Variants in NCEH1 observed in about 807,000 individuals in gnomAD.
NCEH1 encodes the protein 2-acetyl MAGE hydrolase.
NCEH1 carries 9 observed loss-of-function variants against 25.4 expected under a neutral mutation model. The ratio of observed to expected loss-of-function variants is 0.35; its 90% CI spans 0.21 to 0.62. The LOEUF is 0.62. NCEH1 is among the 20% of genes least tolerant of loss of function. The pLI is 0.72. For missense variants in NCEH1, 412 were observed against 501.1 expected, an observed-to-expected ratio of 0.82 and a Z score of 1.70; for synonymous variants, 200 against 199.8, an observed-to-expected ratio of 1.00 and a Z score of -0.01.
At chr3:172,698,606 A>G (rs777066183) in intron 1 of NCEH1, among the ~76,000 whole-genome samples, 1 of 152,220 alleles carries the variant, frequency 6.6e-6, no homozygotes, top group Non-Finnish European at 1.5e-5. Flanking sequence ...ATTCAAGGGG[A>G]AAAAGAAAAG....
chr3:172,658,597 C>T (rs554127472), intron 1 of NCEH1, among the ~76,000 whole-genome samples: 23 of 152,236 alleles, frequency 1.5e-4, no homozygotes, highest in Admixed American at 1.4e-3. Flanking sequence ...ATAAAATTTC[C>T]AATTGTTTCC....
intron 1 of NCEH1, among the ~76,000 whole-genome samples, chr3:172,701,224 CTA>C (rs1430157292): frequency 2.6e-5 from 4 of 152,166 alleles, no homozygotes; most frequent in African/African-American, 4.8e-5. Flanking sequence ...GTCCCAAACT[CTA>C]TATCTTCACC....
intron 1 of NCEH1, among the ~76,000 whole-genome samples, chr3:172,661,163 A>G (rs1235994096): frequency 6.6e-6 from 1 of 152,184 alleles, no homozygotes; most frequent in Non-Finnish European, 1.5e-5. Flanking sequence ...ACATGTAAGG[A>G]AGGGATCCAG....
intron 1 of NCEH1, among the ~76,000 whole-genome samples, chr3:172,662,806 G>A (rs2108507100): frequency 6.6e-6 from 1 of 152,178 alleles, no homozygotes; most frequent in Middle Eastern, 3.4e-3. Context: ...GGGATCGGTG[G>A]TGATATACCC....
chr3:172,694,598 AGGTTACG>A, intron 1 of NCEH1, among the ~76,000 whole-genome samples: 2 of 152,350 alleles, frequency 1.3e-5, no homozygotes, highest in African/African-American at 4.8e-5. Flanking sequence ...TCCAACAGAC[AGGTTACG>A]GGTTGAGACT....
At chr3:172,655,590 C>T (rs1421192006) in intron 1 of NCEH1, among the ~76,000 whole-genome samples, 2 of 152,208 alleles carry the variant, frequency 1.3e-5, no homozygotes, top group African/African-American at 2.4e-5. Flanking sequence ...CTCTGCCCAC[C>T]GCCCTGACCT....
At chr3:172,638,929 C>G (rs1198540132) in intron 3 of NCEH1, among the ~76,000 whole-genome samples, 1 of 152,138 alleles carries the variant, frequency 6.6e-6, no homozygotes, top group Non-Finnish European at 1.5e-5. Context: ...CATAAAGATC[C>G]ATGGCCTAAC....
chr3:172,670,748 G>A (rs1489051174), intron 1 of NCEH1, among the ~76,000 whole-genome samples: 1 of 151,772 alleles, frequency 6.6e-6, no homozygotes, highest in African/African-American at 2.4e-5. Context: ...TTTTATATGG[G>A]GTTTTATGGT....
At chr3:172,641,462 A>G (rs1481039746) in intron 3 of NCEH1, among the ~76,000 whole-genome samples, 1 of 152,166 alleles carries the variant, frequency 6.6e-6, no homozygotes, top group Non-Finnish European at 1.5e-5. Context: ...TTCCATTACC[A>G]AGGCTGCTGG....
At chr3:172,665,030 AG>A (rs1304976133) in intron 1 of NCEH1, among the ~76,000 whole-genome samples, 1 of 152,208 alleles carries the variant, frequency 6.6e-6, no homozygotes, top group Non-Finnish European at 1.5e-5. Context: ...CCTTTGGTGT[AG>A]ATGAGGCACT....
intron 1 of NCEH1, among the ~76,000 whole-genome samples, chr3:172,704,977 C>T (rs1713895637): frequency 6.6e-6 from 1 of 152,176 alleles, no homozygotes; most frequent in African/African-American, 2.4e-5. Context: ...CATGTTAAGT[C>T]TAGGTAACTG....
chr3:172,665,325 T>C (rs1205624200), intron 1 of NCEH1, among the ~76,000 whole-genome samples: 5 of 152,162 alleles, frequency 3.3e-5, no homozygotes, highest in African/African-American at 1.2e-4. Flanking sequence ...GAACAGTAAA[T>C]GTTGCTGCCT....
rs1192129634 is a variant in NCEH1 at position 172,630,657 on chromosome 3, C to T, written c.*2818G>A. The T allele has an allele frequency of 2.0e-5, 3 of 152,170 alleles. No homozygotes were observed. The highest frequency in any genetic ancestry group is 2.0e-4 in the Admixed American group (3 of 15,276). The allele number at this position is 152,170 out of a possible 1,614,324, so 9.4% of individuals were successfully genotyped here. On this transcript the variant is annotated 3_prime_UTR_variant, in exon 5 of 5. Coordinates refer to ENST00000475381, the MANE Select transcript of NCEH1 (RefSeq NM_020792.6). The stretch of plus-strand genomic sequence containing the variant: ...TGAGACGGGAAAATGAAAGCACATT[C>T]CCAGATGGAGCAATTTTATTTCCAA...
chr3:172,643,864 C>T lies in NCEH1; in HGVS notation c.437+1759G>A, dbSNP rs115826606. Among the ~76,000 whole-genome samples the T allele has an allele frequency of 3.7e-3, 570 of 152,300 alleles. 3 individuals carry two copies. Among genetic ancestry groups the T allele is most frequent in the African/African-American group, 0.013 (559 of 41,554 alleles). On this transcript the variant is annotated intron_variant, in intron 3 of 4. Transcript: ENST00000475381. ...GCCCCTGAAGCTTGTTCCTCAACAC[C>T]GAGCTGTAGGGCCTTGTCTCCTTAA...
chr3:172,664,580 G>A (rs1217554843), intron 1 of NCEH1, among the ~76,000 whole-genome samples: 9 of 152,180 alleles, frequency 5.9e-5, no homozygotes, highest in Admixed American at 3.3e-4. Context: ...CATTCTCCCC[G>A]TCACTTTCAG....
rs773860768 is a variant in NCEH1 at position 172,711,067 on chromosome 3, C to G, written c.-83G>C. 1.2e-6 allele frequency: 2 copies of G among 1,608,098 alleles called. No homozygotes were observed. Among genetic ancestry groups the G allele is most frequent in the Admixed American group, 1.7e-5 (1 of 59,896 alleles). ...GAGACCTCCGGCAACTTTCTGCCCGCGGCAGCTGCTCATTCACGCGTTTCT... is the reference window on the plus strand; with the variant it reads ...GAGACCTCCGGCAACTTTCTGCCCGGGGCAGCTGCTCATTCACGCGTTTCT... On this transcript the variant is annotated 5_prime_UTR_variant, in exon 1 of 5. Transcript: ENST00000475381.
intron 4 of NCEH1, 107 bp downstream of exon 4, chr3:172,635,809 C>T (rs937153557): frequency 5.2e-5 from 53 of 1,026,526 alleles, no homozygotes; most frequent in African/African-American, 1.6e-4. Context: ...ATCTAGTGAC[C>T]GGCCCACCCA....
Position 172,647,876 on chromosome 3 carries a change from C to G in NCEH1, c.367+10G>C. ...CAACAACAAACCATCTGAAGGTGAC[C>G]AGGACGCACTTGCACTTGCCAAGGC... On this transcript the variant is annotated intron_variant, in intron 2 of 4. Transcript: ENST00000475381. 1.2e-5 allele frequency: 20 copies of G among 1,614,040 alleles called. No homozygotes were observed. The highest frequency in any genetic ancestry group is 1.6e-5 in the Non-Finnish European group (19 of 1,179,974).
chr3:172,667,745 G>A (rs769426090), intron 1 of NCEH1, among the ~76,000 whole-genome samples: 3 of 152,262 alleles, frequency 2.0e-5, no homozygotes, highest in Admixed American at 2.0e-4. Flanking sequence ...GCACCCCTCT[G>A]GAGTGCACTC....
Sources: allele counts gnomAD v4.1 joint callset (sites outside exome capture counted in the v4.1 genomes callset), GRCh38; gene constraint gnomAD v4.1.1; transcripts MANE v1.5; gene names NCBI Gene and HGNC (gene_info 2026-07-23, HGNC 2026-07-21).